DBR1: variants seen among roughly 807,000 people sequenced by gnomAD.
DBR1 encodes lariat debranching enzyme.
A neutral mutation model predicts 45.9 loss-of-function variants in DBR1; 33 were observed. That is an observed-to-expected ratio of 0.72 (90% CI 0.55 to 0.96). The LOEUF (loss-of-function observed/expected upper bound fraction) is 0.96, where lower values mean the gene tolerates loss of function less well. Ranked by LOEUF, DBR1 falls within the 40% of genes least tolerant of loss-of-function variation. The pLI is 0.00. For synonymous variants in DBR1, 235 were observed against 235.9 expected (o/e 1.00, Z 0.04); for missense variants, 619 against 667.4 (o/e 0.93, Z 0.80).
Position 138,174,849 on chromosome 3 carries a change from C to T in DBR1, c.-54G>A. The T allele has an allele frequency of 6.4e-7, 1 of 1,551,192 alleles. No homozygotes were observed. The highest frequency in any genetic ancestry group is 1.2e-5 in the South Asian group (1 of 85,754). On this transcript the variant is annotated 5_prime_UTR_variant, in exon 1 of 8. Transcript: ENST00000260803. Reference sequence around the variant, plus strand: ...CTGCAACGCCCTACACCACAGCCAGCCCAGGACCGACTGATCGCTCAGCTC... The same window carrying T: ...CTGCAACGCCCTACACCACAGCCAGTCCAGGACCGACTGATCGCTCAGCTC...
rs772237868 is a variant in DBR1 at position 138,167,168 on chromosome 3, A to C, written c.627T>G (p.Ala209=). Residue 209 remains alanine (A), a synonymous_variant, in exon 5 of 8, where the codon GCT becomes GCG. Transcript: ENST00000260803. ...EVENNTLGSP[A]ASELLEHLKP... is the part of the protein sequence containing the mutation. Reference sequence around the variant, plus strand: ...TGAGATGCTCTAAAAGCTCTGAGGCAGCTGGACTTCCTAATGTGTTATTTT... The same window carrying C: ...TGAGATGCTCTAAAAGCTCTGAGGCCGCTGGACTTCCTAATGTGTTATTTT... 6.2e-7 allele frequency: 1 copy of C among 1,614,204 alleles called. No individual in the cohort carries two copies. The highest frequency in any genetic ancestry group is 2.2e-5 in the East Asian group (1 of 44,878).
intron 5 of DBR1, chr3:138,164,094 A>T: frequency 3.0e-6 from 1 of 335,500 alleles, no homozygotes; most frequent in Non-Finnish European, 5.5e-6. Context: ...GCAAAAACTA[A>T]TGATGATGAT....
intron 4 of DBR1, among the ~76,000 whole-genome samples, chr3:138,168,537 A>C (rs1034294256): frequency 2.0e-5 from 3 of 151,772 alleles, no homozygotes; most frequent in Non-Finnish European, 4.4e-5. Context: ...AAAAAAAAAA[A>C]CTTAAATAAC....
At chr3:138,171,762 C>A (rs756370873) in intron 2 of DBR1, 49 bp from the exon 3 acceptor site, 6 of 1,320,746 alleles carry the variant, frequency 4.5e-6, no homozygotes, top group Non-Finnish European at 6.6e-6. Context: ...GGAATCTCTA[C>A]ACCGACTGAA....
chr3:138,174,714 G>A lies in DBR1; in HGVS notation c.82C>T (p.Pro28Ser). The A allele has an allele frequency of 6.2e-7, 1 of 1,612,746 alleles. No homozygotes were observed. The highest frequency in any genetic ancestry group is 8.5e-7 in the Non-Finnish European group (1 of 1,179,656). ...CACAGCAAGAGGTCGACAGGCCCCG[G>A]GCCGCGCCGCTCTGCCAGCGCCAGC... ...ETLALAERRG[P>S]GPVDLLLCCG... is the part of the protein sequence containing the mutation. Residue 28 changes from proline (P) to serine (S), a missense_variant, in exon 1 of 8, where the codon CCG becomes TCG. Transcript: ENST00000260803.
In DBR1 at chr3:138,162,056, C is replaced by T. The variant is rs1291429486; in HGVS notation, c.1468G>A (p.Glu490Lys). 3.1e-6 allele frequency: 5 copies of T among 1,614,142 alleles called. No homozygotes were observed. The South Asian group carries it at 3.3e-5, about 11-fold the overall frequency. ...DDTVDSTIDREGKPGGTVESG... is the reference protein window; with the variant it reads ...DDTVDSTIDRKGKPGGTVESG... ...TCCACAGTCCCACCAGGTTTCCCCT[C>T]TCTATCAATTGTGGAATCCACCGTA... is the stretch of plus-strand genomic sequence containing the variant. Residue 490 changes from glutamate to lysine, a missense_variant, in exon 8 of 8, where the codon GAG becomes AAG. This residue lies in a region of DBR1 where 182 missense variants were observed against 196.1 expected (regional missense o/e 0.93). Coordinates refer to ENST00000260803, the MANE Select transcript of DBR1 (RefSeq NM_016216.4).
intron 5 of DBR1, among the ~76,000 whole-genome samples, chr3:138,164,600 A>G (rs2042922066): frequency 6.6e-6 from 1 of 152,200 alleles, no homozygotes; most frequent in Admixed American, 6.5e-5. Flanking sequence ...AACTCTGGAA[A>G]TTTACTAAAA....
chr3:138,163,470 T>C lies in DBR1; in HGVS notation c.820A>G (p.Ser274Gly). Residue 274 changes from serine (S) to glycine (G), a missense_variant, in exon 7 of 8, where the codon AGT (serine) becomes GGT (glycine). Physicochemically the swap from Ser to Gly is moderately conservative, Grantham distance 56. This residue lies in a region of DBR1 where 430 missense variants were observed against 447.7 expected (regional missense o/e 0.96). Transcript: ENST00000260803. ...LQILEIEHDP[S>G]APDYLEYDIE... ...TCATATTCCAAGTAATCAGGAGCAC[T>C]GGGGTCATGTTCTATCTCTAATATC... 3.1e-6 allele frequency: 5 copies of C among 1,607,266 alleles called. No homozygotes were observed. Among genetic ancestry groups the C allele is most frequent in the Non-Finnish European group, 4.3e-6 (5 of 1,174,284 alleles).
chr3:138,171,197 C>A (rs1405637106), intron 3 of DBR1: 2 of 152,404 alleles, frequency 1.3e-5, no homozygotes, highest in Non-Finnish European at 2.9e-5. Flanking sequence ...ACAGGCCGGG[C>A]GTGGTAGCTT....
intron 1 of DBR1, among the ~76,000 whole-genome samples, chr3:138,173,912 T>C (rs1235107001): frequency 6.6e-6 from 1 of 151,016 alleles, no homozygotes; most frequent in Non-Finnish European, 1.5e-5. Context: ...TCCCAGCTAC[T>C]CGGGAGGCTG....
chr3:138,165,274 G>C (rs1305844193), intron 5 of DBR1, among the ~76,000 whole-genome samples: 2 of 152,062 alleles, frequency 1.3e-5, no homozygotes, highest in African/African-American at 4.8e-5. Context: ...GACTAGAAGT[G>C]TTTTAAATTT....
At position 138,161,702 on chromosome 3, in the gene DBR1, C is replaced by T. The variant is rs757769799; in HGVS notation, c.*187G>A. ...CATTACTAAAAATGCAAAAATTAGCCGGGTGTGGTGGCGGGCACCTGTAGT... is the reference window on the plus strand; with the variant it reads ...CATTACTAAAAATGCAAAAATTAGCTGGGTGTGGTGGCGGGCACCTGTAGT... On this transcript the variant is annotated 3_prime_UTR_variant, in exon 8 of 8. Coordinates refer to ENST00000260803, the MANE Select transcript of DBR1 (RefSeq NM_016216.4). 14 of 536,158 alleles carry T rather than the reference C, an allele frequency of 2.6e-5. No homozygotes were observed. The highest frequency in any genetic ancestry group is 4.0e-5 in the Non-Finnish European group (12 of 297,836). 33.2% of individuals were successfully genotyped at this position (536,158 alleles called of 1,614,324 possible).
chr3:138,171,658 G>A lies in DBR1; in HGVS notation c.378C>T (p.Ile126=), dbSNP rs2042955480. Residue 126 remains isoleucine (I), a synonymous_variant, in exon 3 of 8, where the codon ATC becomes ATT. Coordinates refer to ENST00000260803, the MANE Select transcript of DBR1 (RefSeq NM_016216.4). ...RGVRIGGISG[I]FKSHDYRKGH... is the part of the protein sequence containing the mutation. ...CTTTTCGATAGTCATGAGATTTAAA[G>A]ATACCAGAGATTCCACCGATCCTTA... is the stretch of plus-strand genomic sequence containing the variant. 3 of 1,613,198 alleles carry A rather than the reference G, an allele frequency of 1.9e-6. No homozygotes were observed. Among genetic ancestry groups the A allele is most frequent in the East Asian group, 2.2e-5 (1 of 44,830 alleles).
Position 138,171,666 on chromosome 3 carries a change from A to G in DBR1, c.370T>C (p.Ser124Pro). The G allele has an allele frequency of 6.2e-7, 1 of 1,613,716 alleles. No homozygotes were observed. The highest frequency in any genetic ancestry group is 8.5e-7 in the Non-Finnish European group (1 of 1,179,726). The stretch of plus-strand genomic sequence containing the variant: ...TAGTCATGAGATTTAAAGATACCAG[A>G]GATTCCACCGATCCTTACACCTCGG... ...KYRGVRIGGISGIFKSHDYRK... is the reference protein window; with the variant it reads ...KYRGVRIGGIPGIFKSHDYRK... The change falls in exon 3 of 8, where the codon TCT becomes CCT. Residue 124 changes from serine (S) to proline (P), a missense_variant. Physicochemically the swap from Ser to Pro is moderately conservative, Grantham distance 74. Around this residue, in one of 3 missense-constraint regions of DBR1, gnomAD observed 430 missense variants for 447.7 expected, o/e 0.96. Transcript: ENST00000260803.
At position 138,167,083 on chromosome 3, in the gene DBR1, G is replaced by T; in HGVS notation, c.712C>A (p.Gln238Lys). The change falls in exon 5 of 8, where the codon CAG becomes AAG. Residue 238 changes from glutamine to lysine, a missense_variant and splice_region_variant. Transcript: ENST00000260803. ...HVKFAALMQH[Q>K]AKDKGQTARA... Reference sequence around the variant, plus strand: ...AGAATAAACATTTTGTTTTCTACCTGATGCTGCATCAAGGCGGCAAACTTC... The same window carrying T: ...AGAATAAACATTTTGTTTTCTACCTTATGCTGCATCAAGGCGGCAAACTTC... 1 of 1,613,640 alleles carries T rather than the reference G, an allele frequency of 6.2e-7. No homozygotes were observed. The highest frequency in any genetic ancestry group is 8.5e-7 in the Non-Finnish European group (1 of 1,179,616).
intron 5 of DBR1, among the ~76,000 whole-genome samples, chr3:138,165,653 C>T (rs556598784): frequency 1.1e-4 from 17 of 151,870 alleles, no homozygotes; most frequent in Middle Eastern, 3.4e-3. Flanking sequence ...GGTGTGAACC[C>T]GGAAGGTGGA....
In DBR1 at chr3:138,162,455, T is replaced by A. The variant is rs1194914247; in HGVS notation, c.1069A>T (p.Met357Leu). 1 of 1,614,200 alleles carries A rather than the reference T, an allele frequency of 6.2e-7. No individual in the cohort carries two copies. Among genetic ancestry groups the A allele is most frequent in the South Asian group, 1.1e-5 (1 of 91,088 alleles). Reference sequence around the variant, plus strand: ...GGATTGATCCTATGAATCAGCTGCATTTGTGTCTGTGGCTTGCTAGGATCA... The same window carrying A: ...GGATTGATCCTATGAATCAGCTGCAATTGTGTCTGTGGCTTGCTAGGATCA... ...CYDPSKPQTQ[M>L]QLIHRINPQT... The change falls in exon 8 of 8, where the codon ATG (methionine) becomes TTG (leucine). Residue 357 changes from methionine (M) to leucine (L), a missense_variant. Around this residue, in one of 3 missense-constraint regions of DBR1, gnomAD observed 430 missense variants for 447.7 expected, o/e 0.96. Coordinates refer to ENST00000260803, the MANE Select transcript of DBR1 (RefSeq NM_016216.4).
chr3:138,167,272 C>A lies in DBR1; in HGVS notation c.523G>T (p.Asp175Tyr). The change falls in exon 5 of 8, where the codon GAT (aspartate) becomes TAT (tyrosine). Residue 175 changes from aspartate (D) to tyrosine (Y), a missense_variant. Physicochemically the swap from Asp to Tyr is radical, Grantham distance 160. Transcript: ENST00000260803. ...TAATGATATATACTTCTTGGCCAAT[C>A]ATGAGACAAGAATATATCTATAGGC... ...KQPIDIFLSHDWPRSIYHYGN... is the reference protein window; with the variant it reads ...KQPIDIFLSHYWPRSIYHYGN... The A allele has an allele frequency of 6.2e-7, 1 of 1,611,002 alleles. No individual in the cohort carries two copies. Among genetic ancestry groups the A allele is most frequent in the Non-Finnish European group, 8.5e-7 (1 of 1,179,136 alleles).
At chr3:138,171,571 A>G (rs1381680705) in intron 3 of DBR1, 62 bp downstream of exon 3, 1 of 1,068,574 alleles carries the variant, frequency 9.4e-7, no homozygotes, top group East Asian at 2.4e-5. Context: ...AGTACATATC[A>G]TGCTTAACTT....
Sources: gnomAD v4.1 joint callset for allele counts (sites outside exome capture counted in the v4.1 genomes callset) on GRCh38, gnomAD v4.1.1 for gene constraint, gnomAD v4.1.1 regional missense constraint, MANE v1.5 for transcripts, NCBI Gene and HGNC (gene_info 2026-07-23, HGNC 2026-07-21) for gene names.